TYR: variants seen among roughly 807,000 people sequenced by gnomAD.
TYR encodes LB24-AB.
A neutral mutation model predicts 51.5 loss-of-function variants in TYR; 58 were observed. The ratio of observed to expected loss-of-function variants is 1.13; its 90% confidence interval spans 0.91 to 1.40. The LOEUF (loss-of-function observed/expected upper bound fraction) is 1.40, where lower values mean the gene tolerates loss of function less well. TYR is among the 40% of genes most tolerant of loss of function. TYR has a pLI of 0.00. For missense variants in TYR, 732 were observed against 647.4 expected (o/e 1.13, Z -1.42); for synonymous variants, 263 against 235.2 (o/e 1.12, Z -1.08).
chr11:89,266,010 A>G (rs905064341), intron 3 of TYR, among the ~76,000 whole-genome samples: 14 of 152,048 alleles, frequency 9.2e-5, no homozygotes, highest in African/African-American at 3.4e-4. Context: ...GGCAAAACGC[A>G]AAGAAAATAG....
In TYR at chr11:89,216,115, A is replaced by T. The variant is rs1198994584; in HGVS notation, c.1037-11708A>T. Among the ~76,000 whole-genome samples, 4 of 152,190 alleles carry T rather than the reference A, an allele frequency of 2.6e-5. No individual in the cohort carries two copies. In the East Asian group the frequency reaches 7.7e-4, roughly 29 times the overall value. On this transcript the variant is annotated intron_variant, in intron 2 of 4. Transcript: ENST00000263321. ...AGTGAGTGACTTCACTTACCAATAG[A>T]AGGTGTGAAAGCTTATGAACCTGGT...
At chr11:89,281,676 C>T (rs1406340481) in intron 3 of TYR, among the ~76,000 whole-genome samples, 1 of 151,710 alleles carries the variant, frequency 6.6e-6, no homozygotes, top group African/African-American at 2.4e-5. Flanking sequence ...CTCATGGGTC[C>T]AAGAAAATTT....
At chr11:89,259,292 G>T (rs539431475) in intron 3 of TYR, among the ~76,000 whole-genome samples, 1 of 152,130 alleles carries the variant, frequency 6.6e-6, no homozygotes, top group East Asian at 1.9e-4. Flanking sequence ...CTCATACTGA[G>T]AATCAAATTC....
chr11:89,197,343 T>C (rs1943534113), intron 2 of TYR, among the ~76,000 whole-genome samples: 1 of 152,138 alleles, frequency 6.6e-6, no homozygotes, highest in Admixed American at 6.6e-5. Context: ...CACAAATCCC[T>C]ACAGAATTAA....
At chr11:89,212,370 TCC>T in intron 2 of TYR, among the ~76,000 whole-genome samples, 1 of 151,968 alleles carries the variant, frequency 6.6e-6, no homozygotes, top group Non-Finnish European at 1.5e-5. Context: ...ACATACACCC[TCC>T]CAAGACTAAA....
At chr11:89,214,337 A>G (rs1196168606) in intron 2 of TYR, among the ~76,000 whole-genome samples, 1 of 152,214 alleles carries the variant, frequency 6.6e-6, no homozygotes, top group East Asian at 1.9e-4. Flanking sequence ...ATGCCATACC[A>G]TCTCATGCCT....
At position 89,178,974 on chromosome 11, in the gene TYR, G is replaced by T. The variant is rs369566188; in HGVS notation, c.819+202G>T. On this transcript the variant is annotated intron_variant, in intron 1 of 4. Transcript: ENST00000263321. ...ATATTTGTGTAATTATTTGTTTAATGACTTCTACTAGGTTTCTAAACTGCA... is the reference window on the plus strand; with the variant it reads ...ATATTTGTGTAATTATTTGTTTAATTACTTCTACTAGGTTTCTAAACTGCA... 2.3e-4 allele frequency among the ~76,000 whole-genome samples: 35 copies of T among 152,204 alleles called. No individual in the cohort carries two copies. In the South Asian group the frequency reaches 7.1e-3, roughly 31 times the overall value.
At chr11:89,217,655 G>T (rs1943849871) in intron 2 of TYR, among the ~76,000 whole-genome samples, 1 of 152,150 alleles carries the variant, frequency 6.6e-6, no homozygotes, top group Non-Finnish European at 1.5e-5. Flanking sequence ...GTTTCTGTTT[G>T]AGTCTCTTCG....
Position 89,256,644 on chromosome 11 carries a change from T to G in TYR, c.1185-28129T>G, listed in dbSNP as rs534586931. Among the ~76,000 whole-genome samples the G allele has an allele frequency of 2.0e-5, 3 of 152,036 alleles. No homozygotes were observed. The East Asian group carries it at 5.8e-4, about 29-fold the overall frequency. On this transcript the variant is annotated intron_variant, in intron 3 of 4. Transcript: ENST00000263321. The stretch of plus-strand genomic sequence containing the variant: ...AAGTGGAAAAAAAACTGAAAATGCC[T>G]AGAGATAGGCATTGGAGGAAGCAGT...
intron 3 of TYR, among the ~76,000 whole-genome samples, chr11:89,234,974 TAAA>T (rs533895496): frequency 7.4e-6 from 1 of 135,804 alleles, no homozygotes; most frequent in Non-Finnish European, 1.6e-5. Flanking sequence ...CTTCAATTTG[TAAA>T]AAAAAAAAAA....
intron 2 of TYR, among the ~76,000 whole-genome samples, chr11:89,220,928 G>T (rs562417942): frequency 1.3e-5 from 2 of 152,136 alleles, no homozygotes; most frequent in Non-Finnish European, 2.9e-5. Flanking sequence ...GTAGAGAAGA[G>T]AAAACACAAA....
At chr11:89,266,827 T>C (rs1224685927) in intron 3 of TYR, among the ~76,000 whole-genome samples, 1 of 151,966 alleles carries the variant, frequency 6.6e-6, no homozygotes, top group East Asian at 1.9e-4. Flanking sequence ...ATCATGTAGG[T>C]AATTACATGA....
chr11:89,223,224 C>T (rs1943936110), intron 2 of TYR, among the ~76,000 whole-genome samples: 1 of 152,102 alleles, frequency 6.6e-6, no homozygotes, highest in Admixed American at 6.6e-5. Flanking sequence ...ATTCATATCA[C>T]AAGTAGCCCT....
intron 1 of TYR, among the ~76,000 whole-genome samples, chr11:89,188,748 C>A (rs7117974): frequency 0.023 from 3,456 of 151,858 alleles, 123 homozygotes; most frequent in African/African-American, 0.077. Context: ...ATATGAATAA[C>A]CCAAGCAGGT....
chr11:89,190,274 T>C lies in TYR; in HGVS notation c.820-928T>C, dbSNP rs957376426. On this transcript the variant is annotated intron_variant, in intron 1 of 4. Transcript: ENST00000263321. ...CCTGGATGTTTTATAGAGATTGTTATAGAGATGATAGCTCCATGTGTACTA... is the reference window on the plus strand; with the variant it reads ...CCTGGATGTTTTATAGAGATTGTTACAGAGATGATAGCTCCATGTGTACTA... 7.2e-5 allele frequency among the ~76,000 whole-genome samples: 11 copies of C among 152,206 alleles called. 1 individual carries two copies. The South Asian group carries it at 1.0e-3, about 14-fold the overall frequency.
chr11:89,199,462 C>T (rs1435126351), intron 2 of TYR, among the ~76,000 whole-genome samples: 1 of 152,132 alleles, frequency 6.6e-6, no homozygotes, highest in Non-Finnish European at 1.5e-5. Context: ...CAAGTACTGT[C>T]TTAGGAAGAT....
intron 3 of TYR, among the ~76,000 whole-genome samples, chr11:89,241,075 G>C (rs746366232): frequency 2.6e-5 from 4 of 152,116 alleles, no homozygotes; most frequent in Non-Finnish European, 5.9e-5. Context: ...TAAAGACAAG[G>C]GTATCTGGGT....
At chr11:89,228,257 C>T (rs1944001784) in intron 3 of TYR, among the ~76,000 whole-genome samples, 2 of 152,092 alleles carry the variant, frequency 1.3e-5, no homozygotes, top group South Asian at 2.1e-4. Context: ...TCCACTAGAT[C>T]CTGGTAGAAG....
intron 2 of TYR, among the ~76,000 whole-genome samples, chr11:89,195,869 C>T (rs1036970624): frequency 6.6e-6 from 1 of 151,854 alleles, no homozygotes; most frequent in African/African-American, 2.4e-5. Context: ...TCAGAGTTTA[C>T]AAGAGATTTT....
Sources: gnomAD v4.1 joint callset for allele counts (sites outside exome capture counted in the v4.1 genomes callset) on GRCh38, gnomAD v4.1.1 for gene constraint, MANE v1.5 for transcripts, NCBI Gene and HGNC (gene_info 2026-07-23, HGNC 2026-07-21) for gene names.